Variants in SH3BGRL2 observed in about 807,000 individuals in gnomAD.
SH3BGRL2 encodes SH3 domain binding glutamate rich protein like 2, also known as SH3 domain-binding glutamic acid-rich-like protein 2.
SH3BGRL2 carries 21 observed loss-of-function variants against 14.8 expected under a neutral mutation model. That is an observed-to-expected ratio of 1.42 (90% CI 1.01 to 2.05). The LOEUF (loss-of-function observed/expected upper bound fraction) is 2.05. SH3BGRL2 is among the 30% of genes most tolerant of loss of function. The probability of loss-of-function intolerance (pLI) is 0.00; values close to 1 mark genes in which losing one functional copy is unlikely to be tolerated. For synonymous variants in SH3BGRL2, 50 were observed against 47.8 expected, an observed-to-expected ratio of 1.05 and a Z score of -0.19; for missense variants, 147 against 130.8, an observed-to-expected ratio of 1.12 and a Z score of -0.61.
chr6:79,561,283 T>C, the SH3BGRL2 span: 1 of 152,124 alleles, frequency 6.6e-6, no homozygotes, highest in African/African-American at 2.4e-5. Flanking sequence ...ATTTTAATAA[T>C]ATCTCAAATA....
At chr6:79,678,722 G>A (rs1296813073) in intron 2 of SH3BGRL2, among the ~76,000 whole-genome samples, 1 of 152,100 alleles carries the variant, frequency 6.6e-6, no homozygotes, top group Non-Finnish European at 1.5e-5. Flanking sequence ...TATTGCACTG[G>A]GATAGTGAGC....
the SH3BGRL2 span, among the ~76,000 whole-genome samples, chr6:79,585,955 G>T: frequency 6.6e-6 from 1 of 151,812 alleles, no homozygotes; most frequent in Admixed American, 6.6e-5. Flanking sequence ...CAGCACTTTG[G>T]GAGGCCGAGG....
the SH3BGRL2 span, among the ~76,000 whole-genome samples, chr6:79,555,677 T>C: frequency 0.018 from 2,727 of 151,946 alleles, 77 homozygotes; most frequent in African/African-American, 0.062. Context: ...GCCCAGCTAA[T>C]TTTTGTATTT....
At chr6:79,635,565 T>C (rs1340269810) in intron 1 of SH3BGRL2, among the ~76,000 whole-genome samples, 1 of 152,224 alleles carries the variant, frequency 6.6e-6, no homozygotes, top group Non-Finnish European at 1.5e-5. Flanking sequence ...GTGCTGTCTC[T>C]CTCCAGTTCA....
chr6:79,584,439 C>T, the SH3BGRL2 span, among the ~76,000 whole-genome samples: 2 of 152,166 alleles, frequency 1.3e-5, no homozygotes, highest in Non-Finnish European at 2.9e-5. Flanking sequence ...TCCACTGCCA[C>T]GTGAATGCAA....
chr6:79,590,422 GTGAT>G, the SH3BGRL2 span, among the ~76,000 whole-genome samples: 1 of 46,482 alleles, frequency 2.2e-5, no homozygotes, highest in African/African-American at 9.6e-5. Flanking sequence ...TAAAGAAAAT[GTGAT>G]ATATATATAT....
rs1351484425 is a variant in SH3BGRL2, at chr6:79,696,492, A to G, written c.239A>G (p.Asp80Gly). The G allele has an allele frequency of 6.3e-7, 1 of 1,579,916 alleles. No homozygotes were observed. The highest frequency in any genetic ancestry group is 8.5e-7 in the Non-Finnish European group (1 of 1,170,276). ...GCTTCCCTTTTTTTCTAGGATTATG[A>G]CAGTTTTTTTGAATCCAAGGAAAGC... The part of the protein sequence containing the change: ...FNGDRYCGDY[D>G]SFFESKESNT... Residue 80 changes from aspartate to glycine, a missense_variant, in exon 3 of 4, where the codon GAC becomes GGC. Asp to Gly is a moderately conservative substitution (Grantham distance 94, BLOSUM62 -1). Coordinates refer to ENST00000369838, the MANE Select transcript of SH3BGRL2 (RefSeq NM_031469.4).
the SH3BGRL2 span, among the ~76,000 whole-genome samples, chr6:79,596,900 G>A: frequency 6.6e-6 from 1 of 152,104 alleles, no homozygotes; most frequent in Non-Finnish European, 1.5e-5. Flanking sequence ...TTACTACAAT[G>A]CTGCAGTAGT....
the SH3BGRL2 span, among the ~76,000 whole-genome samples, chr6:79,614,118 G>A: frequency 1.3e-5 from 2 of 152,238 alleles, no homozygotes; most frequent in East Asian, 3.9e-4. Context: ...CGCCCCCGCT[G>A]TACTGTGTAT....
At chr6:79,697,401 AAT>A in intron 3 of SH3BGRL2, among the ~76,000 whole-genome samples, 1 of 152,320 alleles carries the variant, frequency 6.6e-6, no homozygotes, top group East Asian at 1.9e-4. Flanking sequence ...ACTGAATTCT[AAT>A]ATGTCTATTT....
chr6:79,561,742 G>C, the SH3BGRL2 span: 1 of 152,240 alleles, frequency 6.6e-6, no homozygotes, highest in Non-Finnish European at 1.5e-5. Flanking sequence ...GAACTGGGCA[G>C]TCATGTTTGT....
At chr6:79,552,775 A>C in the SH3BGRL2 span, 1 of 152,254 alleles carries the variant, frequency 6.6e-6, no homozygotes, top group South Asian at 2.1e-4. Flanking sequence ...GCATTGGTTT[A>C]GGAGAATCCA....
intron 1 of SH3BGRL2, among the ~76,000 whole-genome samples, chr6:79,653,215 C>T (rs765668869): frequency 1.3e-4 from 20 of 152,206 alleles, no homozygotes; most frequent in Middle Eastern, 3.4e-3. Context: ...AAAAAGACAA[C>T]GAGTTATTCT....
At position 79,703,327 on chromosome 6, in the gene SH3BGRL2, A is replaced by T. The variant is rs1770504355; in HGVS notation, c.*3818A>T. The T allele has an allele frequency of 6.6e-6, 1 of 152,166 alleles. No homozygotes were observed. Among genetic ancestry groups the T allele is most frequent in the Non-Finnish European group, 1.5e-5 (1 of 68,044 alleles). The allele number at this position is 152,166 out of a possible 1,614,324, so 9.4% of individuals were successfully genotyped here. A position where few individuals can be genotyped will look rare whatever the true frequency, so the allele number is the denominator to read the frequency against. ...GCTGTGATTCACCATTTGAGACATTATACATAATTTGTTTTTGTTATAAGC... is the reference window on the plus strand; with the variant it reads ...GCTGTGATTCACCATTTGAGACATTTTACATAATTTGTTTTTGTTATAAGC... On this transcript the variant is annotated 3_prime_UTR_variant, in exon 4 of 4. Transcript: ENST00000369838.
chr6:79,598,589 A>G, the SH3BGRL2 span, among the ~76,000 whole-genome samples: 1 of 152,132 alleles, frequency 6.6e-6, no homozygotes, highest in African/African-American at 2.4e-5. Flanking sequence ...ATCAGGGCAG[A>G]GGAACTTGAG....
At chr6:79,652,415 T>C (rs1483319509) in intron 1 of SH3BGRL2, among the ~76,000 whole-genome samples, 1 of 152,200 alleles carries the variant, frequency 6.6e-6, no homozygotes, top group Admixed American at 6.5e-5. Context: ...GTTTCTTGTT[T>C]TATAAAAGTA....
At chr6:79,599,371 TC>T in the SH3BGRL2 span, among the ~76,000 whole-genome samples, 1 of 95,844 alleles carries the variant, frequency 1.0e-5, no homozygotes, top group African/African-American at 3.8e-5. Flanking sequence ...TTATAACAGA[TC>T]TTTTTTTTTT....
chr6:79,591,522 C>T, the SH3BGRL2 span, among the ~76,000 whole-genome samples: 2 of 152,178 alleles, frequency 1.3e-5, no homozygotes, highest in African/African-American at 2.4e-5. Flanking sequence ...ATTCCCCTAC[C>T]TCAGCCATCC....
At chr6:79,695,602 T>C (rs2127739635) in intron 2 of SH3BGRL2, among the ~76,000 whole-genome samples, 1 of 152,314 alleles carries the variant, frequency 6.6e-6, no homozygotes, top group African/African-American at 2.4e-5. Flanking sequence ...ATCAGTTCTC[T>C]CACTTATTAG....
Sources: gnomAD v4.1 joint callset for allele counts (sites outside exome capture counted in the v4.1 genomes callset) on GRCh38, gnomAD v4.1.1 for gene constraint, MANE v1.5 for transcripts, NCBI Gene and HGNC (gene_info 2026-07-23, HGNC 2026-07-21) for gene names.